Variants in CDKAL1 observed in about 807,000 individuals in gnomAD.
The protein encoded by CDKAL1 is threonylcarbamoyladenosine tRNA methylthiotransferase.
CDKAL1 carries 32 observed loss-of-function variants against 68.2 expected under a neutral mutation model. The observed-to-expected ratio is 0.47, with a 90% CI of 0.35 to 0.63. The LOEUF (loss-of-function observed/expected upper bound fraction) is 0.63. CDKAL1 is among the 30% of genes least tolerant of loss of function. CDKAL1 has a pLI of 0.00. For synonymous variants in CDKAL1, 234 were observed against 244.3 expected, an observed-to-expected ratio of 0.96 and a Z score of 0.39; for missense variants, 606 against 696.7, an observed-to-expected ratio of 0.87 and a Z score of 1.47.
At chr6:21,133,432 G>T (rs1775429320) in intron 13 of CDKAL1, among the ~76,000 whole-genome samples, 1 of 152,292 alleles carries the variant, frequency 6.6e-6, no homozygotes, top group East Asian at 1.9e-4. Flanking sequence ...CCAAGCCTGA[G>T]CTATGATTTT....
At chr6:20,753,261 TG>T (rs143631482) in intron 6 of CDKAL1, among the ~76,000 whole-genome samples, 23,909 of 152,132 alleles carry the variant, frequency 0.16, 2,055 homozygotes, top group East Asian at 0.34. Context: ...GTGACCTTTT[TG>T]TCTAGCTTCT....
chr6:20,776,445 G>A (rs1775173333), intron 7 of CDKAL1, among the ~76,000 whole-genome samples: 1 of 152,208 alleles, frequency 6.6e-6, no homozygotes, highest in Admixed American at 6.5e-5. Context: ...TTATTAAAGT[G>A]AGTAGTGCAA....
intron 4 of CDKAL1, among the ~76,000 whole-genome samples, chr6:20,569,860 G>A (rs1457568438): frequency 6.6e-6 from 1 of 152,112 alleles, no homozygotes; most frequent in Non-Finnish European, 1.5e-5. Flanking sequence ...AGTTAAAAAG[G>A]GAGAAAGATG....
chr6:20,836,668 C>T (rs1158962884), intron 8 of CDKAL1, among the ~76,000 whole-genome samples: 1 of 152,074 alleles, frequency 6.6e-6, no homozygotes, highest in East Asian at 1.9e-4. Flanking sequence ...GAAAACAGCA[C>T]AATTCTTTAT....
At chr6:21,157,883 C>T (rs1776721650) in intron 13 of CDKAL1, among the ~76,000 whole-genome samples, 1 of 152,224 alleles carries the variant, frequency 6.6e-6, no homozygotes, top group South Asian at 2.1e-4. Context: ...TCTGTGTCTG[C>T]ATGTGCTTGT....
chr6:20,644,135 C>T (rs1349516766), intron 4 of CDKAL1, among the ~76,000 whole-genome samples: 1 of 143,402 alleles, frequency 7.0e-6, no homozygotes, highest in Non-Finnish European at 1.5e-5. Context: ...GTCTGGCCTG[C>T]TTTTTTTTTT....
chr6:20,977,177 A>C (rs1765884111), intron 10 of CDKAL1, among the ~76,000 whole-genome samples: 2 of 152,186 alleles, frequency 1.3e-5, no homozygotes, highest in South Asian at 4.1e-4. Flanking sequence ...TGAAAAGGGG[A>C]AATATTTGGG....
chr6:21,070,256 T>C (rs1254005233), intron 12 of CDKAL1, among the ~76,000 whole-genome samples: 1 of 152,220 alleles, frequency 6.6e-6, no homozygotes, highest in Admixed American at 6.5e-5. Flanking sequence ...CTCGGCCTGA[T>C]CCTGCCATAA....
chr6:20,862,901 C>G (rs1299511710), intron 9 of CDKAL1, among the ~76,000 whole-genome samples: 1 of 152,122 alleles, frequency 6.6e-6, no homozygotes, highest in East Asian at 1.9e-4. Flanking sequence ...GTGGTGGGTG[C>G]CTGTAATCCC....
At chr6:20,858,021 G>A (rs1561836163) in intron 9 of CDKAL1, among the ~76,000 whole-genome samples, 1 of 152,100 alleles carries the variant, frequency 6.6e-6, no homozygotes, top group Non-Finnish European at 1.5e-5. Context: ...CACGACCCTG[G>A]CTAATTTGTA....
At chr6:20,882,778 C>A (rs1297835439) in intron 9 of CDKAL1, among the ~76,000 whole-genome samples, 1 of 152,136 alleles carries the variant, frequency 6.6e-6, no homozygotes, top group Non-Finnish European at 1.5e-5. Context: ...GAGAACATGT[C>A]CAGTGTCATT....
chr6:21,174,565 AT>A (rs1044644071), intron 13 of CDKAL1, among the ~76,000 whole-genome samples: 33 of 152,292 alleles, frequency 2.2e-4, no homozygotes, highest in African/African-American at 4.8e-4. Flanking sequence ...CTACAAAAAA[AT>A]ATTTGTTCCC....
intron 8 of CDKAL1, among the ~76,000 whole-genome samples, chr6:20,805,956 G>A (rs1776554436): frequency 6.6e-6 from 1 of 152,138 alleles, no homozygotes; most frequent in African/African-American, 2.4e-5. Context: ...TAAAAAACAA[G>A]GCATATGATT....
chr6:20,942,195 C>T (rs1764001412), intron 9 of CDKAL1, among the ~76,000 whole-genome samples: 1 of 152,042 alleles, frequency 6.6e-6, no homozygotes, highest in African/African-American at 2.4e-5. Flanking sequence ...ATACCCTTAG[C>T]TTATCACAAT....
chr6:20,970,974 G>A (rs1014130536), intron 10 of CDKAL1, among the ~76,000 whole-genome samples: 3 of 151,908 alleles, frequency 2.0e-5, no homozygotes, highest in Admixed American at 6.6e-5. Flanking sequence ...TCAGCCTCCC[G>A]AGTAGCTGGG....
intron 11 of CDKAL1, among the ~76,000 whole-genome samples, chr6:21,013,207 A>C (rs1160525724): frequency 6.6e-6 from 1 of 152,214 alleles, no homozygotes; most frequent in East Asian, 1.9e-4. Flanking sequence ...TCAGACCTGC[A>C]AACATCAAAA....
chr6:21,055,504 C>T (rs886732197), intron 11 of CDKAL1, among the ~76,000 whole-genome samples: 4 of 152,054 alleles, frequency 2.6e-5, no homozygotes, highest in African/African-American at 9.7e-5. Flanking sequence ...GCTCAGCATG[C>T]ATTAGCTATT....
At chr6:20,789,129 G>A (rs1013508648) in intron 8 of CDKAL1, among the ~76,000 whole-genome samples, 11 of 152,176 alleles carry the variant, frequency 7.2e-5, no homozygotes, top group African/African-American at 2.7e-4. Flanking sequence ...AATTAAATGT[G>A]TGAAATTGAG....
intron 13 of CDKAL1, among the ~76,000 whole-genome samples, chr6:21,152,894 C>T (rs886088641): frequency 3.9e-5 from 6 of 152,146 alleles, no homozygotes; most frequent in African/African-American, 9.7e-5. Context: ...GGCGGCCTTG[C>T]GCATCAGTGT....
Sources: gnomAD v4.1 joint callset for allele counts (sites outside exome capture counted in the v4.1 genomes callset) on GRCh38, gnomAD v4.1.1 for gene constraint, MANE v1.5 for transcripts, NCBI Gene and HGNC (gene_info 2026-07-23, HGNC 2026-07-21) for gene names.